The following OSBP2 variants were observed in gnomAD, a reference collection of about 807,000 sequenced individuals.
OSBP2 encodes oxysterol binding protein 2, also known as oxysterol-binding protein 2.
OSBP2 carries 66 observed loss-of-function variants against 96.0 expected under a neutral mutation model. The ratio of observed to expected loss-of-function variants is 0.69; its 90% CI spans 0.56 to 0.84. OSBP2 has a LOEUF of 0.84. Ranked by LOEUF, OSBP2 falls within the 40% of genes least tolerant of loss-of-function variation. The pLI is 0.00. For synonymous variants in OSBP2, 525 were observed against 520.9 expected, an observed-to-expected ratio of 1.01 and a Z score of -0.11; for missense variants, 1,038 against 1,222.7, an observed-to-expected ratio of 0.85 and a Z score of 2.25.
intron 2 of OSBP2, among the ~76,000 whole-genome samples, chr22:30,802,742 G>T (rs1435943618): frequency 6.6e-6 from 1 of 152,256 alleles, no homozygotes; most frequent in Non-Finnish European, 1.5e-5. Flanking sequence ...GGCCTCGCGC[G>T]GCTCTCATCG....
chr22:30,813,699 T>A (rs1304241220), intron 2 of OSBP2, among the ~76,000 whole-genome samples: 1 of 152,148 alleles, frequency 6.6e-6, no homozygotes, highest in East Asian at 1.9e-4. Context: ...AACTAATTCC[T>A]TGATGGACAT....
At chr22:30,898,754 C>T (rs980622509) in intron 12 of OSBP2, among the ~76,000 whole-genome samples, 4 of 151,920 alleles carry the variant, frequency 2.6e-5, no homozygotes, top group Non-Finnish European at 5.9e-5. Context: ...GGTAGGGACA[C>T]AGCCAAACCC....
At chr22:30,694,085 G>A (rs1443460537), upstream of OSBP2, 4 of 979,512 alleles carry the variant, frequency 4.1e-6, no homozygotes, top group South Asian at 5.6e-5. Flanking sequence ...AAACCTCTGC[G>A]GAAGCCTCAC....
chr22:30,717,380 A>G (rs2089480080), intron 1 of OSBP2, among the ~76,000 whole-genome samples: 1 of 152,166 alleles, frequency 6.6e-6, no homozygotes, highest in Non-Finnish European at 1.5e-5. Context: ...TCCCCCACTG[A>G]GTCATCTTGG....
intron 1 of OSBP2, among the ~76,000 whole-genome samples, chr22:30,716,638 A>G (rs1300267526): frequency 6.6e-6 from 1 of 151,734 alleles, no homozygotes; most frequent in Non-Finnish European, 1.5e-5. Context: ...GGATTTCACC[A>G]TGTTGGCCAG....
chr22:30,790,637 A>C (rs1375823198), intron 2 of OSBP2, among the ~76,000 whole-genome samples: 2 of 147,356 alleles, frequency 1.4e-5, no homozygotes, highest in Non-Finnish European at 3.0e-5. Flanking sequence ...ACCTGAAGAG[A>C]TATGTCAAAC....
chr22:30,867,459 T>TTCATTCAC (rs1467051701), intron 2 of OSBP2, among the ~76,000 whole-genome samples: 1 of 152,216 alleles, frequency 6.6e-6, no homozygotes, highest in Non-Finnish European at 1.5e-5. Flanking sequence ...GAAGCACTTA[T>TTCATTCAC]TCATTCACTC....
intron 2 of OSBP2, among the ~76,000 whole-genome samples, chr22:30,813,415 C>T (rs909718009): frequency 6.6e-6 from 1 of 152,010 alleles, no homozygotes; most frequent in Non-Finnish European, 1.5e-5. Context: ...CTCAAGTGAT[C>T]CACCTGCCTC....
rs188539913 is a variant in OSBP2, at chr22:30,857,395, C to T, written c.854-13034C>T. Among the ~76,000 whole-genome samples, 3 of 152,288 alleles carry T rather than the reference C, an allele frequency of 2.0e-5. No individual in the cohort carries two copies. In the East Asian group the frequency reaches 5.8e-4, roughly 29 times the overall value. On this transcript the variant is annotated intron_variant, in intron 2 of 13. Transcript: ENST00000332585. ...TGAAGTTACACAGCCGACTGGTGGA[C>T]AGATGGACGCTTTAAGCTGAGAACC...
intron 2 of OSBP2, among the ~76,000 whole-genome samples, chr22:30,749,105 G>A (rs116592361): frequency 0.014 from 2,081 of 152,232 alleles, 42 homozygotes; most frequent in African/African-American, 0.047. Context: ...GAGACAGAGC[G>A]AGACTCTGTC....
Position 30,893,867 on chromosome 22 carries a change from C to G in OSBP2, c.2241C>G (p.Ser747=), listed in dbSNP as rs374524164. 6.3e-7 allele frequency: 1 copy of G among 1,582,934 alleles called. No individual in the cohort carries two copies. Among genetic ancestry groups the G allele is most frequent in the East Asian group, 2.3e-5 (1 of 43,424 alleles). Reference sequence around the variant, plus strand: ...AGGGCAAGGCCCATTACGTGCTGTCCGGCTCGTGGGATGAACAAATGGAGT... The same window carrying G: ...AGGGCAAGGCCCATTACGTGCTGTCGGGCTCGTGGGATGAACAAATGGAGT... ...DSQGKAHYVL[S]GSWDEQMECS... is the part of the protein sequence containing the mutation. The change falls in exon 12 of 14, where the codon TCC becomes TCG. Residue 747 remains serine (S), a synonymous_variant. Coordinates refer to ENST00000332585, the MANE Select transcript of OSBP2 (RefSeq NM_030758.4).
intron 1 of OSBP2, among the ~76,000 whole-genome samples, chr22:30,730,770 CTCTCTATATA>C (rs2089752311): frequency 2.6e-4 from 7 of 26,934 alleles, no homozygotes; most frequent in Non-Finnish European, 1.4e-4. Flanking sequence ...CTCTCTCTCT[CTCTCTATATA>C]TATATATATA....
chr22:30,814,978 G>A (rs1246506977), intron 2 of OSBP2, among the ~76,000 whole-genome samples: 2 of 152,136 alleles, frequency 1.3e-5, no homozygotes, highest in Non-Finnish European at 2.9e-5. Flanking sequence ...TGACCTGACT[G>A]GTGTTAAAAG....
chr22:30,781,142 A>ATT (rs136305), intron 2 of OSBP2, among the ~76,000 whole-genome samples: 9 of 133,682 alleles, frequency 6.7e-5, no homozygotes, highest in South Asian at 4.9e-4. Context: ...TGCCTGGCTA[A>ATT]TTTTTTTTTT....
chr22:30,892,557 A>C (rs1342025063), intron 8 of OSBP2, among the ~76,000 whole-genome samples: 5 of 152,084 alleles, frequency 3.3e-5, no homozygotes, highest in Admixed American at 3.3e-4. Flanking sequence ...AGCAGCATGG[A>C]ATAAGGAAGA....
intron 3 of OSBP2, among the ~76,000 whole-genome samples, chr22:30,880,367 C>G (rs2147132350): frequency 6.6e-6 from 1 of 152,358 alleles, no homozygotes; most frequent in Non-Finnish European, 1.5e-5. Context: ...CCTGGACCAG[C>G]CGCAGATAAG....
chr22:30,713,140 G>A (rs142938169), intron 1 of OSBP2, among the ~76,000 whole-genome samples: 3,444 of 148,088 alleles, frequency 0.023, 116 homozygotes, highest in African/African-American at 0.081. Flanking sequence ...GTGCAGTGGC[G>A]TGATCTCGGC....
intron 1 of OSBP2, among the ~76,000 whole-genome samples, chr22:30,698,364 C>T (rs1003430945): frequency 1.1e-3 from 166 of 151,884 alleles, no homozygotes; most frequent in Non-Finnish European, 2.1e-3. Flanking sequence ...ATGTGGCTGG[C>T]GAAGAAGGAA....
At chr22:30,821,764 T>C (rs1025204599) in intron 2 of OSBP2, among the ~76,000 whole-genome samples, 5 of 152,248 alleles carry the variant, frequency 3.3e-5, no homozygotes, top group African/African-American at 1.2e-4. Context: ...TCTGAAACTC[T>C]GGGGAAAACT....
Sources: allele counts gnomAD v4.1 joint callset (sites outside exome capture counted in the v4.1 genomes callset), GRCh38; gene constraint gnomAD v4.1.1; transcripts MANE v1.5; gene names NCBI Gene and HGNC (gene_info 2026-07-23, HGNC 2026-07-21).